The following NUP155 variants were observed in gnomAD, a reference collection of about 807,000 sequenced individuals.
NUP155 encodes the protein nucleoporin 155, also known as nuclear pore complex protein Nup155.
A neutral mutation model predicts 180.4 loss-of-function variants in NUP155; 71 were observed. The ratio of observed to expected loss-of-function variants is 0.39; its 90% CI spans 0.33 to 0.48. The LOEUF is 0.48. NUP155 is among the 20% of genes least tolerant of loss of function. The pLI is 0.91. For synonymous variants in NUP155, 582 were observed against 559.5 expected (o/e 1.04, Z -0.57); for missense variants, 1,553 against 1,648.9 (o/e 0.94, Z 1.01).
intron 21 of NUP155, among the ~76,000 whole-genome samples, chr5:37,315,155 C>T (rs1743802773): frequency 1.3e-5 from 2 of 152,208 alleles, no homozygotes; most frequent in Admixed American, 1.3e-4. Flanking sequence ...TCGCTTGGAC[C>T]TGGGAGGTAG....
chr5:37,326,984 C>A (rs1278566756), intron 18 of NUP155, among the ~76,000 whole-genome samples: 2 of 152,124 alleles, frequency 1.3e-5, no homozygotes, highest in Non-Finnish European at 2.9e-5. Context: ...GCCTACTCAG[C>A]GTGAAGACAA....
intron 22 of NUP155, among the ~76,000 whole-genome samples, chr5:37,312,677 A>G (rs1423549595): frequency 6.6e-6 from 1 of 152,166 alleles, no homozygotes; most frequent in Non-Finnish European, 1.5e-5. Flanking sequence ...AAAAATACAA[A>G]AATTAGCTAG....
rs1742756574 is a variant in NUP155 at position 37,299,583 on chromosome 5, C to A, written c.3562-15G>T. On this transcript the variant is annotated splice_polypyrimidine_tract_variant and intron_variant, in intron 30 of 34. Coordinates refer to ENST00000231498, the MANE Select transcript of NUP155 (RefSeq NM_153485.3). ...TCCCCATAAAGCTGTGAGAGAAAATCCCAAAATTAACATCCAACTAGAGAT... is the reference window on the plus strand; with the variant it reads ...TCCCCATAAAGCTGTGAGAGAAAATACCAAAATTAACATCCAACTAGAGAT... 1 of 1,613,352 alleles carries A rather than the reference C, an allele frequency of 6.2e-7. No individual in the cohort carries two copies. Among genetic ancestry groups the A allele is most frequent in the Non-Finnish European group, 8.5e-7 (1 of 1,179,644 alleles).
chr5:37,364,230 A>T lies in NUP155; in HGVS notation c.295+17T>A. ...CAATTTTAACATTTTTAAAATAAAT[A>T]CAAAGTAATAGGATACGTCCAAACT... is the stretch of plus-strand genomic sequence containing the variant. On this transcript the variant is annotated intron_variant, in intron 2 of 34. Transcript: ENST00000231498. The T allele has an allele frequency of 6.3e-7, 1 of 1,587,582 alleles. No individual in the cohort carries two copies.
At position 37,325,772 on chromosome 5, in the gene NUP155, A is replaced by C. The variant is rs1242513461; in HGVS notation, c.2091+129T>G. 29 of 486,120 alleles carry C rather than the reference A, an allele frequency of 6.0e-5. 1 individual carries two copies. The Admixed American group carries it at 9.1e-4, about 15-fold the overall frequency. The allele number at this position is 486,120 out of a possible 1,614,324, so 30.1% of individuals were successfully genotyped here. ...AGACAGAGCAGGACTCTGTCTCAAA[A>C]AAAAAAAAAAAAAAAAAAATAACCT... On this transcript the variant is annotated intron_variant, in intron 19 of 34. Transcript: ENST00000231498.
chr5:37,359,266 G>C (rs1326198320), intron 3 of NUP155, among the ~76,000 whole-genome samples: 1 of 151,764 alleles, frequency 6.6e-6, no homozygotes. Context: ...CAGGGATCCA[G>C]ACCTGCTTAT....
intron 20 of NUP155, among the ~76,000 whole-genome samples, chr5:37,321,967 T>C (rs1744275464): frequency 6.6e-6 from 1 of 152,146 alleles, no homozygotes; most frequent in South Asian, 2.1e-4. Flanking sequence ...GTGATTCGCC[T>C]GCCTCAGCCT....
chr5:37,347,696 CAA>C (rs546371065), intron 9 of NUP155, among the ~76,000 whole-genome samples: 20 of 54,876 alleles, frequency 3.6e-4, no homozygotes, highest in Non-Finnish European at 2.3e-4. Context: ...AACTCCATCT[CAA>C]AAAAAAAAAA....
Position 37,310,566 on chromosome 5 carries a change from C to T in NUP155, c.2614G>A (p.Ala872Thr). The change falls in exon 23 of 35, where the codon GCA becomes ACA. Residue 872 changes from alanine (A) to threonine (T), a missense_variant. By Grantham distance (58) the Ala-to-Thr change is moderately conservative (BLOSUM62 0). Coordinates refer to ENST00000231498, the MANE Select transcript of NUP155 (RefSeq NM_153485.3). ...ICPLLYSTDD[A>T]ICSKANELLQ... ...AAGTATCATACCTTAGAACAAATTG[C>T]ATCATCAGTGCTATATAGAAGTGGG... 3 of 1,612,622 alleles carry T rather than the reference C, an allele frequency of 1.9e-6. No homozygotes were observed. Among genetic ancestry groups the T allele is most frequent in the South Asian group, 1.1e-5 (1 of 90,998 alleles).
chr5:37,301,290 G>A, intron 30 of NUP155, 147 bp downstream of exon 30: 1 of 619,700 alleles, frequency 1.6e-6, no homozygotes, highest in Non-Finnish European at 2.9e-6. Flanking sequence ...GTGGTGATCT[G>A]TCAGCCCAGT....
In NUP155 at chr5:37,364,395, A is replaced by C. The variant is rs765060971; in HGVS notation, c.158-11T>G. The C allele has an allele frequency of 1.2e-6, 2 of 1,610,194 alleles. No homozygotes were observed. The highest frequency in any genetic ancestry group is 1.7e-6 in the Non-Finnish European group (2 of 1,176,456). On this transcript the variant is annotated splice_polypyrimidine_tract_variant and intron_variant, in intron 1 of 34. Coordinates refer to ENST00000231498, the MANE Select transcript of NUP155 (RefSeq NM_153485.3). ...AAACGGTGGGATTATCTACAAAAAGAAAATGAAGTATTTATAATAATGTAC... is the reference window on the plus strand; with the variant it reads ...AAACGGTGGGATTATCTACAAAAAGCAAATGAAGTATTTATAATAATGTAC...
intron 3 of NUP155, among the ~76,000 whole-genome samples, chr5:37,360,475 ACTCAGT>A (rs1183280984): frequency 6.7e-6 from 1 of 149,962 alleles, no homozygotes; most frequent in East Asian, 1.9e-4. Flanking sequence ...ACAGAATGAG[ACTCAGT>A]CTCAAAAAAA....
chr5:37,364,626 G>T (rs1747431445), intron 1 of NUP155, among the ~76,000 whole-genome samples: 1 of 40,956 alleles, frequency 2.4e-5, no homozygotes, highest in South Asian at 1.4e-3. Flanking sequence ...CAAAGGAAAT[G>T]TTTATTTTAT....
chr5:37,327,550 C>G, intron 18 of NUP155, 79 bp downstream of exon 18: 1 of 1,521,612 alleles, frequency 6.6e-7, no homozygotes, highest in Non-Finnish European at 9.1e-7. Context: ...AATGATGTCC[C>G]AAATTCAGAG....
chr5:37,318,071 A>C lies in NUP155; in HGVS notation c.2222T>G (p.Val741Gly), dbSNP rs1744016447. Residue 741 changes from valine to glycine, a missense_variant, in exon 21 of 35, where the codon GTG (valine) becomes GGG (glycine). By Grantham distance (109) the Val-to-Gly change is moderately radical. Coordinates refer to ENST00000231498, the MANE Select transcript of NUP155 (RefSeq NM_153485.3). ...PLGNPNTTAK[V>G]QQRLIGFMRP... ...CATGAATCCTATCAGCCTCTGCTGC[A>C]CTTTAGCAGTAGTACTGAAACAGAA... 6.2e-7 allele frequency: 1 copy of C among 1,607,736 alleles called. No homozygotes were observed. Among genetic ancestry groups the C allele is most frequent in the African/African-American group, 1.3e-5 (1 of 74,926 alleles).
intron 7 of NUP155, 117 bp from the exon 8 acceptor site, chr5:37,349,362 T>TA: frequency 2.6e-6 from 1 of 387,010 alleles, no homozygotes; most frequent in Non-Finnish European, 4.8e-6. Flanking sequence ...AGGGGCTTTC[T>TA]ACTCTCTTGC....
chr5:37,333,083 A>G (rs1745086389), intron 13 of NUP155, among the ~76,000 whole-genome samples: 1 of 152,154 alleles, frequency 6.6e-6, no homozygotes, highest in Admixed American at 6.6e-5. Context: ...GGCTGGGTGC[A>G]ATGGCTCACA....
intron 21 of NUP155, among the ~76,000 whole-genome samples, chr5:37,316,966 T>C (rs1445655682): frequency 7.0e-6 from 1 of 141,900 alleles, no homozygotes; most frequent in African/African-American, 2.6e-5. Context: ...ATTGAGATCA[T>C]CCTGCTTAAA....
intron 4 of NUP155, among the ~76,000 whole-genome samples, chr5:37,355,803 C>G (rs1172298169): frequency 3.3e-5 from 5 of 151,862 alleles, no homozygotes; most frequent in Non-Finnish European, 5.9e-5. Context: ...TGGTCTCGAT[C>G]TCCTGACCTC....
Sources: allele counts gnomAD v4.1 joint callset (sites outside exome capture counted in the v4.1 genomes callset), GRCh38; gene constraint gnomAD v4.1.1; transcripts MANE v1.5; gene names NCBI Gene and HGNC (gene_info 2026-07-23, HGNC 2026-07-21).